The following MAGI2 variants were observed in gnomAD, a reference collection of about 807,000 sequenced individuals.
MAGI2 encodes membrane associated guanylate kinase, WW and PDZ domain containing 2.
In MAGI2, 35 loss-of-function variants were observed where a neutral mutation model predicts 133.3. That is an observed-to-expected ratio of 0.26 (90% confidence interval 0.20 to 0.35). The LOEUF is 0.35. Among genes scored for constraint, MAGI2 ranks in the 10% least tolerant of loss-of-function variants. The pLI is 1.00. For synonymous variants in MAGI2, 729 were observed against 710.6 expected (o/e 1.03, Z -0.41); for missense variants, 1,636 against 1,863.4 (o/e 0.88, Z 2.25).
At chr7:79,348,382 T>C (rs1841466384) in intron 1 of MAGI2, among the ~76,000 whole-genome samples, 1 of 151,908 alleles carries the variant, frequency 6.6e-6, no homozygotes. Flanking sequence ...AATGTGTATA[T>C]AAGCTCTGAC....
chr7:78,786,455 GACA>G (rs1826828652), intron 2 of MAGI2, among the ~76,000 whole-genome samples: 1 of 152,166 alleles, frequency 6.6e-6, no homozygotes, highest in South Asian at 2.1e-4. Context: ...TCATAAAAGT[GACA>G]TATGAGGCCT....
At chr7:79,241,949 G>A (rs1021833833) in intron 1 of MAGI2, among the ~76,000 whole-genome samples, 6 of 152,112 alleles carry the variant, frequency 3.9e-5, no homozygotes, top group African/African-American at 1.4e-4. Context: ...CAACGAATCA[G>A]CAGCACACAT....
At chr7:78,997,676 G>T (rs1806447551) in intron 2 of MAGI2, among the ~76,000 whole-genome samples, 1 of 150,760 alleles carries the variant, frequency 6.6e-6, no homozygotes, top group Admixed American at 6.6e-5. Context: ...TCACATATCA[G>T]TCTTACCTTT....
At chr7:78,376,391 T>C (rs1297631511) in intron 6 of MAGI2, among the ~76,000 whole-genome samples, 1 of 152,028 alleles carries the variant, frequency 6.6e-6, no homozygotes, top group Non-Finnish European at 1.5e-5. Flanking sequence ...GAACTCTGGG[T>C]ATAGGAGATT....
intron 6 of MAGI2, among the ~76,000 whole-genome samples, chr7:78,482,186 AC>A (rs1298378633): frequency 1.3e-5 from 2 of 151,950 alleles, no homozygotes; most frequent in African/African-American, 4.8e-5. Context: ...GCAAATTAAA[AC>A]CAAAAAGCAG....
intron 1 of MAGI2, among the ~76,000 whole-genome samples, chr7:79,154,929 G>T (rs1823616912): frequency 6.6e-6 from 1 of 152,158 alleles, no homozygotes; most frequent in African/African-American, 2.4e-5. Context: ...AATCTATTTT[G>T]CGCATGGCTT....
intron 21 of MAGI2, among the ~76,000 whole-genome samples, chr7:78,033,428 A>G (rs1486895814): frequency 4.8e-5 from 7 of 146,032 alleles, no homozygotes; most frequent in Admixed American, 1.4e-4. Context: ...AGCCATGATC[A>G]TGCCACTGCA....
intron 1 of MAGI2, among the ~76,000 whole-genome samples, chr7:79,339,018 C>T (rs1007618460): frequency 3.9e-5 from 6 of 151,952 alleles, no homozygotes; most frequent in Admixed American, 2.0e-4. Flanking sequence ...TTCAACTTGG[C>T]GGTCATACTT....
At position 79,125,897 on chromosome 7, in the gene MAGI2, T is replaced by C; in HGVS notation, c.302-118691A>G. The C allele has an allele frequency of 7.1e-6, 3 of 424,566 alleles. No homozygotes were observed. In the Admixed American group the frequency reaches 7.8e-5, roughly 11 times the overall value. The allele number at this position is 424,566 out of a possible 1,614,324, so 26.3% of individuals were successfully genotyped here. A position where few individuals can be genotyped will look rare whatever the true frequency, so the allele number is the denominator to read the frequency against. On this transcript the variant is annotated intron_variant, in intron 1 of 21. Transcript: ENST00000354212. The stretch of plus-strand genomic sequence containing the variant: ...GAAGTTACAGGTTACAAAGGATTTA[T>C]GGGGTCAACCAAGCATAGTGGTGGC...
chr7:79,011,945 C>CTTTT, intron 1 of MAGI2: 1 of 134,452 alleles, frequency 7.4e-6, no homozygotes, highest in Non-Finnish European at 1.6e-5. Context: ...TTCTTTCTTT[C>CTTTT]TTTCTCTGTT....
intron 2 of MAGI2, among the ~76,000 whole-genome samples, chr7:78,981,593 A>G (rs1448324989): frequency 3.3e-5 from 5 of 151,802 alleles, no homozygotes; most frequent in African/African-American, 1.2e-4. Context: ...ATTCTTAGAT[A>G]TATTAATCTT....
intron 5 of MAGI2, among the ~76,000 whole-genome samples, chr7:78,496,273 G>A (rs943860399): frequency 1.3e-5 from 2 of 152,064 alleles, no homozygotes; most frequent in Non-Finnish European, 2.9e-5. Flanking sequence ...TGTGATTTTC[G>A]GTTTCAAAAG....
intron 1 of MAGI2, among the ~76,000 whole-genome samples, chr7:79,426,598 A>G (rs1155235): frequency 0.4 from 60,355 of 152,020 alleles, 14,213 homozygotes; most frequent in African/African-American, 0.65. Flanking sequence ...GTAAGTTACT[A>G]CATATATAAC....
At chr7:78,693,218 A>C (rs1264254849) in intron 2 of MAGI2, among the ~76,000 whole-genome samples, 1 of 152,206 alleles carries the variant, frequency 6.6e-6, no homozygotes, top group Non-Finnish European at 1.5e-5. Flanking sequence ...GGATGGAGAA[A>C]AATGCCTGTC....
chr7:78,940,080 C>A (rs754913900), intron 2 of MAGI2, among the ~76,000 whole-genome samples: 4 of 152,168 alleles, frequency 2.6e-5, no homozygotes, highest in Non-Finnish European at 4.4e-5. Context: ...CATGCCAAAG[C>A]ACATTTGTAC....
rs888049635 is a variant in MAGI2, at chr7:78,019,903, G to T, written c.3780C>A (p.Asp1260Glu). 2 of 1,610,716 alleles carry T rather than the reference G, an allele frequency of 1.2e-6. No homozygotes were observed. Among genetic ancestry groups the T allele is most frequent in the Non-Finnish European group, 1.7e-6 (2 of 1,178,808 alleles). The stretch of plus-strand genomic sequence containing the variant: ...GTGATGGAGAGAATGGAGCGAGGCC[G>T]TCGTCCAGGGAGACGCCTACTTCCG... ...GLPEVGVSLD[D>E]GLAPFSPSHP... Residue 1260 changes from aspartate to glutamate, a missense_variant, in exon 22 of 22, where the codon GAC becomes GAA. This residue lies in a region of MAGI2 where 354 missense variants were observed against 298.7 expected (regional missense o/e 1.19). Transcript: ENST00000354212.
At chr7:78,058,003 A>ATATGTGTGTGTGTGTGTGTGTGTGTG in intron 21 of MAGI2, among the ~76,000 whole-genome samples, 4 of 117,028 alleles carry the variant, frequency 3.4e-5, no homozygotes, top group African/African-American at 6.6e-5. Context: ...ATATATATAT[A>ATATGTGTGTGTGTGTGTGTGTGTGTG]TGTATGAGAA....
chr7:78,811,525 T>C (rs1329834258), intron 2 of MAGI2, among the ~76,000 whole-genome samples: 14 of 152,206 alleles, frequency 9.2e-5, no homozygotes, highest in East Asian at 5.8e-4. Flanking sequence ...AAAAATCATA[T>C]ATTCTTATTC....
intron 6 of MAGI2, among the ~76,000 whole-genome samples, chr7:78,387,803 G>A (rs958562845): frequency 2.0e-5 from 3 of 152,044 alleles, no homozygotes; most frequent in African/African-American, 4.8e-5. Flanking sequence ...GCACGCGCCT[G>A]TAGTTGCAGC....
Sources: allele counts gnomAD v4.1 joint callset (sites outside exome capture counted in the v4.1 genomes callset), GRCh38; gene constraint gnomAD v4.1.1; regional missense constraint gnomAD v4.1.1; transcripts MANE v1.5; gene names NCBI Gene and HGNC (gene_info 2026-07-23, HGNC 2026-07-21).